The following RIMS2 variants were observed in gnomAD, a reference collection of about 807,000 sequenced individuals.
RIMS2 encodes regulating synaptic membrane exocytosis 2, also known as regulating synaptic membrane exocytosis protein 2.
RIMS2 carries 59 observed loss-of-function variants against 174.4 expected under a neutral mutation model. That is an observed-to-expected ratio of 0.34 (90% CI 0.27 to 0.42). The LOEUF is 0.42. RIMS2 is among the 10% of genes least tolerant of loss of function. The pLI, the probability that RIMS2 is intolerant of heterozygous loss-of-function variation, is 1.00. For missense variants in RIMS2, 1,620 were observed against 1,666.3 expected, an observed-to-expected ratio of 0.97 and a Z score of 0.48; for synonymous variants, 606 against 572.5, an observed-to-expected ratio of 1.06 and a Z score of -0.84.
At chr8:104,017,061 A>G (rs1340180807) in intron 19 of RIMS2, among the ~76,000 whole-genome samples, 1 of 152,018 alleles carries the variant, frequency 6.6e-6, no homozygotes, top group Non-Finnish European at 1.5e-5. Context: ...TTTGTTTTAT[A>G]TAAAAGTATG....
At chr8:104,093,688 G>A (rs1157587137) in intron 19 of RIMS2, 45 bp downstream of exon 24, 1 of 1,409,294 alleles carries the variant, frequency 7.1e-7, no homozygotes, top group Non-Finnish European at 9.7e-7. Context: ...TGTTTTAGAA[G>A]GTCTTTATGT....
intron 10 of RIMS2, among the ~76,000 whole-genome samples, chr8:103,927,442 C>G (rs962984502): frequency 1.3e-5 from 2 of 151,474 alleles, no homozygotes; most frequent in Non-Finnish European, 3.0e-5. Flanking sequence ...ACATTTTCAA[C>G]TAACTTCTTT....
At chr8:103,560,369 C>G (rs1251141399) in intron 1 of RIMS2, among the ~76,000 whole-genome samples, 1 of 151,978 alleles carries the variant, frequency 6.6e-6, no homozygotes, top group Non-Finnish European at 1.5e-5. Context: ...AAGAGCGAAA[C>G]TCTGTCTAAA....
At chr8:103,623,629 C>T (rs996061123) in intron 1 of RIMS2, among the ~76,000 whole-genome samples, 2 of 150,744 alleles carry the variant, frequency 1.3e-5, no homozygotes, top group Admixed American at 6.6e-5. Flanking sequence ...GGACTACAGG[C>T]GCCCGCCACC....
At chr8:103,612,344 G>A (rs1368552732) in intron 1 of RIMS2, among the ~76,000 whole-genome samples, 1 of 152,154 alleles carries the variant, frequency 6.6e-6, no homozygotes, top group Non-Finnish European at 1.5e-5. Flanking sequence ...TTTGATGCTT[G>A]TAGATGTTTG....
chr8:103,942,671 G>A (rs1413478406), intron 13 of RIMS2, 102 bp from the exon 16 acceptor site: 6 of 800,176 alleles, frequency 7.5e-6, no homozygotes, highest in Non-Finnish European at 1.1e-5. Flanking sequence ...TCATGTAATA[G>A]CATTACTATT....
chr8:103,840,732 T>C (rs2098934594), intron 3 of RIMS2, among the ~76,000 whole-genome samples: 1 of 152,194 alleles, frequency 6.6e-6, no homozygotes, highest in East Asian at 1.9e-4. Flanking sequence ...ATAATAATAG[T>C]TTTAAGGCAA....
intron 1 of RIMS2, among the ~76,000 whole-genome samples, chr8:103,600,981 A>G (rs2094708750): frequency 6.6e-6 from 1 of 152,162 alleles, no homozygotes; most frequent in Non-Finnish European, 1.5e-5. Context: ...ACCTTTTTAT[A>G]AGCCTGTTTG....
intron 2 of RIMS2, among the ~76,000 whole-genome samples, chr8:103,738,749 A>G (rs991150685): frequency 2.0e-5 from 3 of 152,196 alleles, no homozygotes; most frequent in Non-Finnish European, 4.4e-5. Context: ...AAAAGAAGAC[A>G]TTTATGCAGC....
At chr8:103,923,261 CTG>C (rs149326266) in intron 10 of RIMS2, among the ~76,000 whole-genome samples, 1 of 150,634 alleles carries the variant, frequency 6.6e-6, no homozygotes, top group Non-Finnish European at 1.5e-5. Context: ...ATAAATAAAA[CTG>C]TGTGTGTGTG....
intron 3 of RIMS2, among the ~76,000 whole-genome samples, chr8:103,788,835 C>G (rs2098468443): frequency 6.6e-6 from 1 of 152,234 alleles, no homozygotes; most frequent in Admixed American, 6.5e-5. Context: ...TTTATCTAAG[C>G]AAGCCTGGGC....
intron 1 of RIMS2, among the ~76,000 whole-genome samples, chr8:103,656,930 A>T (rs1010414609): frequency 6.6e-6 from 1 of 152,140 alleles, no homozygotes; most frequent in Non-Finnish European, 1.5e-5. Context: ...CAAGCTCTGA[A>T]AGTGAAGATC....
At chr8:103,992,924 G>GGC (rs113759694) in intron 17 of RIMS2, among the ~76,000 whole-genome samples, 4,001 of 152,164 alleles carry the variant, frequency 0.026, 200 homozygotes, top group African/African-American at 0.091. Context: ...TTTTTCCTGA[G>GGC]GCAGACTATG....
chr8:104,198,283 C>T (rs1286655777), intron 19 of RIMS2, among the ~76,000 whole-genome samples: 1 of 152,210 alleles, frequency 6.6e-6, no homozygotes, highest in African/African-American at 2.4e-5. Context: ...GTGTTTCAGA[C>T]CCCTGGCCAG....
intron 19 of RIMS2, among the ~76,000 whole-genome samples, chr8:104,074,101 T>C (rs1344554972): frequency 6.6e-6 from 1 of 152,218 alleles, no homozygotes; most frequent in African/African-American, 2.4e-5. Flanking sequence ...TATTTTACAT[T>C]GACTTTCAAG....
intron 2 of RIMS2, among the ~76,000 whole-genome samples, chr8:103,733,975 T>C (rs545673492): frequency 3.3e-5 from 5 of 151,552 alleles, no homozygotes; most frequent in African/African-American, 1.2e-4. Context: ...CACTGGAGGC[T>C]TCTATGTGGC....
chr8:103,655,047 C>G (rs984247317), intron 1 of RIMS2, among the ~76,000 whole-genome samples: 14 of 151,702 alleles, frequency 9.2e-5, no homozygotes, highest in African/African-American at 3.4e-4. Flanking sequence ...ATTTCATATT[C>G]TTTAGCATAA....
chr8:104,019,986 C>G (rs1167527989), intron 19 of RIMS2, among the ~76,000 whole-genome samples: 1 of 151,988 alleles, frequency 6.6e-6, no homozygotes, highest in Non-Finnish European at 1.5e-5. Context: ...TGTGCTAAAC[C>G]AGTTTGTTGC....
intron 19 of RIMS2, among the ~76,000 whole-genome samples, chr8:104,031,805 G>A (rs1006438589): frequency 2.0e-5 from 3 of 152,098 alleles, no homozygotes; most frequent in Admixed American, 6.6e-5. Flanking sequence ...GAAAGCATGA[G>A]ACTACAAGCA....
Sources: allele counts gnomAD v4.1 joint callset (sites outside exome capture counted in the v4.1 genomes callset), GRCh38; gene constraint gnomAD v4.1.1; transcripts MANE v1.5; gene names NCBI Gene and HGNC (gene_info 2026-07-23, HGNC 2026-07-21).